The following NELL1 variants were observed in gnomAD, a reference collection of about 807,000 sequenced individuals.
NELL1 encodes the protein protein kinase C-binding protein NELL1.
In NELL1, 76 loss-of-function variants were observed where a neutral mutation model predicts 107.4. The observed-to-expected ratio is 0.71, with a 90% CI of 0.59 to 0.86. The LOEUF (loss-of-function observed/expected upper bound fraction) is 0.86. NELL1 is among the 40% of genes least tolerant of loss of function. The pLI is 0.00. For missense variants in NELL1, 1,024 were observed against 1,005.5 expected, an observed-to-expected ratio of 1.02 and a Z score of -0.25; for synonymous variants, 353 against 341.2, an observed-to-expected ratio of 1.03 and a Z score of -0.38.
At chr11:20,707,691 G>T (rs905501394) in intron 2 of NELL1, among the ~76,000 whole-genome samples, 2 of 152,190 alleles carry the variant, frequency 1.3e-5, no homozygotes, top group South Asian at 2.1e-4. Flanking sequence ...AGCAAGTATT[G>T]CAGAACGGCA....
intron 14 of NELL1, among the ~76,000 whole-genome samples, chr11:21,304,116 A>G (rs1333291795): frequency 3.3e-5 from 5 of 152,016 alleles, no homozygotes; most frequent in Admixed American, 2.6e-4. Context: ...GAATGGTCAC[A>G]TGCTCATTTA....
Position 21,044,034 on chromosome 11 carries a change from T to A in NELL1, c.1301-69555T>A, listed in dbSNP as rs188512924. ...ATATATCCTGGGAGTTATCAGGATA[T>A]AAATGACATTTGAAACCATAAAAAT... On this transcript the variant is annotated intron_variant, in intron 12 of 19. Coordinates refer to ENST00000357134, the MANE Select transcript of NELL1 (RefSeq NM_006157.5). 3.6e-3 allele frequency among the ~76,000 whole-genome samples: 541 copies of A among 152,304 alleles called. 1 individual carries two copies. Among genetic ancestry groups the A allele is most frequent in the Non-Finnish European group, 5.7e-3 (388 of 68,030 alleles).
In NELL1 at chr11:21,489,744, C is replaced by T. The variant is rs10400304; in HGVS notation, c.1646-44630C>T. Among the ~76,000 whole-genome samples, 525 of 152,108 alleles carry T rather than the reference C, an allele frequency of 3.5e-3. 4 individuals are homozygous for T. Among genetic ancestry groups the T allele is most frequent in the African/African-American group, 0.012 (488 of 41,510 alleles). On this transcript the variant is annotated intron_variant, in intron 15 of 19. Transcript: ENST00000357134. ...AGAAAAATCATTTGATAAAATGTAA[C>T]ATCCCTTTGTGATAAAAACTCTCAA...
At chr11:21,569,313 T>C (rs548893121) in intron 17 of NELL1, among the ~76,000 whole-genome samples, 1 of 152,058 alleles carries the variant, frequency 6.6e-6, no homozygotes, top group South Asian at 2.1e-4. Context: ...AATAATTCTA[T>C]TTAGTTCTCT....
intron 12 of NELL1, among the ~76,000 whole-genome samples, chr11:21,097,413 G>A (rs1260931139): frequency 6.6e-6 from 1 of 152,150 alleles, no homozygotes; most frequent in Non-Finnish European, 1.5e-5. Flanking sequence ...GACACCAGGG[G>A]GTTTTTATAT....
chr11:20,767,684 C>A (rs1408578674), intron 2 of NELL1, among the ~76,000 whole-genome samples: 6 of 152,114 alleles, frequency 3.9e-5, no homozygotes, highest in African/African-American at 1.4e-4. Flanking sequence ...GGCTATTGGC[C>A]TAGGTACAGT....
chr11:21,215,684 A>G (rs1857598487), intron 13 of NELL1, among the ~76,000 whole-genome samples: 1 of 152,206 alleles, frequency 6.6e-6, no homozygotes, highest in East Asian at 1.9e-4. Flanking sequence ...TGCTTCAGCA[A>G]AGAGACTGGC....
intron 14 of NELL1, among the ~76,000 whole-genome samples, chr11:21,282,368 C>T (rs1849016548): frequency 6.7e-6 from 1 of 150,154 alleles, no homozygotes; most frequent in Non-Finnish European, 1.5e-5. Flanking sequence ...TTAATAGAAA[C>T]AGCGTTTAGG....
At chr11:20,772,719 T>C (rs1856665156) in intron 2 of NELL1, among the ~76,000 whole-genome samples, 1 of 152,190 alleles carries the variant, frequency 6.6e-6, no homozygotes, top group South Asian at 2.1e-4. Flanking sequence ...CCTAAGGTCT[T>C]ACAGCAGGTA....
intron 12 of NELL1, among the ~76,000 whole-genome samples, chr11:21,059,084 G>A (rs142634605): frequency 1.7e-3 from 256 of 152,194 alleles, no homozygotes; most frequent in African/African-American, 5.8e-3. Context: ...GGCACAGGAT[G>A]AATTGTGAAA....
At chr11:21,144,102 G>T (rs1855923620) in intron 13 of NELL1, among the ~76,000 whole-genome samples, 1 of 152,212 alleles carries the variant, frequency 6.6e-6, no homozygotes, top group Non-Finnish European at 1.5e-5. Flanking sequence ...AAGGAACGAT[G>T]GTGGAGCATT....
intron 17 of NELL1, 93 bp from the exon 18 acceptor site, chr11:21,570,671 G>C (rs1203482245): frequency 4.2e-6 from 5 of 1,200,828 alleles, no homozygotes; most frequent in Non-Finnish European, 5.9e-6. Flanking sequence ...GGTGGCCAGG[G>C]GGTGACCAAA....
At chr11:21,395,010 T>A (rs1404226961) in intron 15 of NELL1, among the ~76,000 whole-genome samples, 1 of 151,442 alleles carries the variant, frequency 6.6e-6, no homozygotes, top group Non-Finnish European at 1.5e-5. Context: ...CTTGGAGAGG[T>A]ATATACAAGG....
intron 5 of NELL1, among the ~76,000 whole-genome samples, chr11:20,892,251 G>T (rs891806214): frequency 6.6e-6 from 1 of 152,152 alleles, no homozygotes; most frequent in Non-Finnish European, 1.5e-5. Context: ...TGAACAATGT[G>T]CTCCTGAATT....
At position 20,981,002 on chromosome 11, in the gene NELL1, A is replaced by C. The variant is rs1337588270; in HGVS notation, c.1300+20442A>C. ...ACTGTTTTGTCAGCCTAGGTTCCTGAGGCTTTCAGTAATCTGAGCCCACTT... is the reference window on the plus strand; with the variant it reads ...ACTGTTTTGTCAGCCTAGGTTCCTGCGGCTTTCAGTAATCTGAGCCCACTT... On this transcript the variant is annotated intron_variant, in intron 12 of 19. Coordinates refer to ENST00000357134, the MANE Select transcript of NELL1 (RefSeq NM_006157.5). Among the ~76,000 whole-genome samples, 5 of 152,190 alleles carry C rather than the reference A, an allele frequency of 3.3e-5. No individual in the cohort carries two copies. In the East Asian group the frequency reaches 9.6e-4, roughly 29 times the overall value.
At chr11:21,428,511 C>T (rs1852888361) in intron 15 of NELL1, among the ~76,000 whole-genome samples, 1 of 152,080 alleles carries the variant, frequency 6.6e-6, no homozygotes, top group South Asian at 2.1e-4. Flanking sequence ...TCATTTCTTC[C>T]ACTTCCCTGC....
chr11:20,908,996 A>G (rs1488372583), intron 5 of NELL1, among the ~76,000 whole-genome samples: 1 of 152,246 alleles, frequency 6.6e-6, no homozygotes, highest in Non-Finnish European at 1.5e-5. Flanking sequence ...TTATTCATCC[A>G]TAAGAAAGGA....
At chr11:20,704,394 G>T (rs918498824) in intron 2 of NELL1, among the ~76,000 whole-genome samples, 1 of 152,104 alleles carries the variant, frequency 6.6e-6, no homozygotes, top group Admixed American at 6.5e-5. Context: ...GAGCCTATGT[G>T]TGTCTCTGCT....
chr11:21,284,236 T>A (rs1259962045), intron 14 of NELL1: 1 of 456,568 alleles, frequency 2.2e-6, no homozygotes, highest in Non-Finnish European at 4.4e-6. Context: ...ATTTAAAAAA[T>A]TTGCCAAACG....
Sources: allele counts gnomAD v4.1 joint callset (sites outside exome capture counted in the v4.1 genomes callset), GRCh38; gene constraint gnomAD v4.1.1; transcripts MANE v1.5; gene names NCBI Gene and HGNC (gene_info 2026-07-23, HGNC 2026-07-21).